FRMD4A: variants seen among roughly 807,000 people sequenced by gnomAD.
The protein encoded by FRMD4A is FERM domain containing 4A, also known as FERM domain-containing protein 4A.
FRMD4A carries 29 observed loss-of-function variants against 129.1 expected under a neutral mutation model. The ratio of observed to expected loss-of-function variants is 0.22; its 90% confidence interval spans 0.17 to 0.31. The LOEUF is 0.31. Among genes scored for constraint, FRMD4A ranks in the 10% least tolerant of loss-of-function variants. FRMD4A has a pLI of 1.00. For missense variants in FRMD4A, 1,272 were observed against 1,375.8 expected (o/e 0.92, Z 1.19); for synonymous variants, 634 against 571.6 (o/e 1.11, Z -1.56).
intron 2 of FRMD4A, among the ~76,000 whole-genome samples, chr10:14,278,210 GA>G (rs1845406690): frequency 6.6e-6 from 1 of 152,128 alleles, no homozygotes; most frequent in East Asian, 1.9e-4. Context: ...TGAGTCCAAG[GA>G]ACAGCCTGTC....
rs2080982195 is a variant in FRMD4A, at chr10:13,644,297, T to A, written c.*2741A>T. 1 of 152,212 alleles carries A rather than the reference T, an allele frequency of 6.6e-6. No homozygotes were observed. The highest frequency in any genetic ancestry group is 2.4e-5 in the African/African-American group (1 of 41,452). The allele number at this position is 152,212 out of a possible 1,614,324, so 9.4% of individuals were successfully genotyped here. On this transcript the variant is annotated 3_prime_UTR_variant, in exon 25 of 25. Transcript: ENST00000357447. The stretch of plus-strand genomic sequence containing the variant: ...ACTTCGTATTTCACCTTATTTTGTT[T>A]TAAAGAAATAGGGATAAAGAGTTTG...
intron 3 of FRMD4A, among the ~76,000 whole-genome samples, chr10:13,811,195 G>C (rs192682899): frequency 1.3e-4 from 20 of 150,950 alleles, no homozygotes; most frequent in African/African-American, 4.9e-4. Flanking sequence ...GAGTGCAGTG[G>C]CATGATCTTC....
At chr10:13,819,775 G>A (rs2093602404) in intron 3 of FRMD4A, among the ~76,000 whole-genome samples, 1 of 150,708 alleles carries the variant, frequency 6.6e-6, no homozygotes, top group South Asian at 2.1e-4. Flanking sequence ...AGGCTGGAGT[G>A]CAGTGGCATG....
At chr10:13,826,714 A>G (rs890169217) in intron 3 of FRMD4A, among the ~76,000 whole-genome samples, 1 of 152,174 alleles carries the variant, frequency 6.6e-6, no homozygotes, top group African/African-American at 2.4e-5. Flanking sequence ...TTTCGATACA[A>G]TTAAAAAGAC....
chr10:14,233,756 T>C (rs1027568131), intron 2 of FRMD4A, among the ~76,000 whole-genome samples: 2 of 152,202 alleles, frequency 1.3e-5, no homozygotes, highest in Non-Finnish European at 2.9e-5. Flanking sequence ...GTTGGGAGGC[T>C]GGGAGAAGGA....
intron 2 of FRMD4A, among the ~76,000 whole-genome samples, chr10:14,295,039 T>C (rs181325646): frequency 1.3e-5 from 2 of 152,316 alleles, no homozygotes; most frequent in Non-Finnish European, 2.9e-5. Flanking sequence ...ATGAGATTAA[T>C]TCTCTCCCTC....
At chr10:13,785,194 T>A (rs919393867) in intron 5 of FRMD4A, among the ~76,000 whole-genome samples, 2 of 152,210 alleles carry the variant, frequency 1.3e-5, no homozygotes, top group African/African-American at 4.8e-5. Flanking sequence ...CTGTGATGAA[T>A]ACAATTCAAG....
In FRMD4A at chr10:14,256,005, C is replaced by CAAA. The variant is rs34674875; in HGVS notation, c.45+74050_45+74052dup. Among the ~76,000 whole-genome samples, 76 of 91,704 alleles carry CAAA rather than the reference C, an allele frequency of 8.3e-4. 1 individual carries two copies. The highest frequency in any genetic ancestry group is 6.4e-3 in the Middle Eastern group (1 of 156). 60.2% of individuals were successfully genotyped at this position (91,704 alleles called of 152,430 possible). Reference sequence around the variant, plus strand: ...TGGGTGACAAAGCAAGCCTCCATCTCAAAAAAAAAAAAAAAAAATTTGTTG... The same window carrying CAAA: ...TGGGTGACAAAGCAAGCCTCCATCTCAAAAAAAAAAAAAAAAAAAAATTTGTTG... On this transcript the variant is annotated intron_variant, in intron 2 of 24. Transcript: ENST00000357447.
At chr10:13,919,874 G>T (rs529358604) in intron 2 of FRMD4A, among the ~76,000 whole-genome samples, 221 of 152,202 alleles carry the variant, frequency 1.5e-3, no homozygotes, top group African/African-American at 5.0e-3. Context: ...AGAGGCAGAG[G>T]TTGCAGTGAG....
intron 2 of FRMD4A, among the ~76,000 whole-genome samples, chr10:14,255,494 T>C (rs986502936): frequency 1.3e-5 from 2 of 152,172 alleles, no homozygotes; most frequent in African/African-American, 4.8e-5. Context: ...ATACTTGGAA[T>C]TGTACATTTT....
intron 2 of FRMD4A, among the ~76,000 whole-genome samples, chr10:13,974,899 C>T (rs1206189681): frequency 1.3e-5 from 2 of 152,224 alleles, no homozygotes; most frequent in Non-Finnish European, 2.9e-5. Flanking sequence ...AGAGGCTGTG[C>T]GTGCAAGTGG....
intron 2 of FRMD4A, among the ~76,000 whole-genome samples, chr10:14,084,724 A>G (rs1470803145): frequency 2.0e-5 from 3 of 152,174 alleles, no homozygotes; most frequent in Non-Finnish European, 4.4e-5. Flanking sequence ...GCCAGCTACC[A>G]GACAACTAGG....
chr10:14,057,927 G>A (rs753351688), intron 2 of FRMD4A, among the ~76,000 whole-genome samples: 11 of 152,326 alleles, frequency 7.2e-5, no homozygotes, highest in East Asian at 1.9e-4. Flanking sequence ...TTCAGTTTGC[G>A]TGTCTGCGTC....
At chr10:13,727,463 C>A (rs1288033058) in intron 12 of FRMD4A, among the ~76,000 whole-genome samples, 1 of 152,186 alleles carries the variant, frequency 6.6e-6, no homozygotes, top group Admixed American at 6.5e-5. Context: ...TCTTGGCCCC[C>A]AGCCTCAACA....
At chr10:13,656,519 T>C (rs1415026959) in intron 22 of FRMD4A, 117 bp downstream of exon 22, 4 of 1,175,378 alleles carry the variant, frequency 3.4e-6, no homozygotes, top group East Asian at 3.2e-5. Flanking sequence ...AATTAATTAA[T>C]GATTCCCGTT....
intron 2 of FRMD4A, among the ~76,000 whole-genome samples, chr10:13,980,785 A>C (rs776036988): frequency 6.6e-6 from 1 of 152,208 alleles, no homozygotes; most frequent in Non-Finnish European, 1.5e-5. Context: ...ATTTTAACAA[A>C]GTCTTCTCAT....
intron 2 of FRMD4A, among the ~76,000 whole-genome samples, chr10:14,182,894 C>T (rs1841959499): frequency 6.6e-6 from 1 of 152,184 alleles, no homozygotes; most frequent in Admixed American, 6.5e-5. Flanking sequence ...GAGAAGTACT[C>T]ATTTCACCTG....
intron 4 of FRMD4A, among the ~76,000 whole-genome samples, chr10:13,807,528 CTT>C (rs1260222326): frequency 6.6e-6 from 1 of 151,538 alleles, no homozygotes; most frequent in Non-Finnish European, 1.5e-5. Context: ...AGAAAGCAGA[CTT>C]AGCATTAATG....
At chr10:13,893,607 C>T (rs771187479) in intron 2 of FRMD4A, among the ~76,000 whole-genome samples, 2 of 152,114 alleles carry the variant, frequency 1.3e-5, no homozygotes, top group Non-Finnish European at 2.9e-5. Flanking sequence ...ACTGCAGCCT[C>T]CCCTCCTGGG....
Sources: gnomAD v4.1 joint callset for allele counts (sites outside exome capture counted in the v4.1 genomes callset) on GRCh38, gnomAD v4.1.1 for gene constraint, MANE v1.5 for transcripts, NCBI Gene and HGNC (gene_info 2026-07-23, HGNC 2026-07-21) for gene names.